The following SULT1C2 variants were observed in gnomAD, a reference collection of about 807,000 sequenced individuals.
SULT1C2 encodes the protein sulfotransferase 1C2.
SULT1C2 carries 27 observed loss-of-function variants against 36.0 expected under a neutral mutation model. The observed-to-expected ratio is 0.75, with a 90% CI of 0.55 to 1.03. SULT1C2 has a LOEUF of 1.03. SULT1C2 is among the 50% of genes least tolerant of loss of function. SULT1C2 has a pLI of 0.00. For synonymous variants in SULT1C2, 121 were observed against 116.0 expected, an observed-to-expected ratio of 1.04 and a Z score of -0.27; for missense variants, 395 against 359.2, an observed-to-expected ratio of 1.10 and a Z score of -0.80.
chr2:108,293,817 A>G lies in SULT1C2; in HGVS notation c.150A>G (p.Ala50=). The change falls in exon 2 of 8, where the codon GCA becomes GCG. Residue 50 remains alanine, a splice_region_variant and synonymous_variant. Coordinates refer to ENST00000251481, the MANE Select transcript of SULT1C2 (RefSeq NM_001056.4). ...DDLLICTYPK[A]GTTWIQEIVD... is the part of the protein sequence containing the mutation. ...TCCTCATCTGCACCTACCCTAAAGC[A>G]GGTGATTGCAGGGTAGGAGGGACAG... 6.2e-7 allele frequency: 1 copy of G among 1,613,556 alleles called. No individual in the cohort carries two copies.
Position 108,294,340 on chromosome 2 carries a change from C to T in SULT1C2, c.263C>T (p.Pro88Leu), listed in dbSNP as rs770254426. ...CATCCTTTCATTGAGTGGGCTCGGC[C>T]ACCCCAACCTTCTGGTGAGAGCACC... ...HRHPFIEWAR[P>L]PQPSGVEKAK... Residue 88 changes from proline to leucine, a missense_variant, in exon 3 of 8, where the codon CCA becomes CTA. Transcript: ENST00000251481. 2.9e-5 allele frequency: 46 copies of T among 1,613,448 alleles called. No individual in the cohort carries two copies. Among genetic ancestry groups the T allele is most frequent in the Non-Finnish European group, 3.6e-5 (42 of 1,179,728 alleles).
Position 108,309,852 on chromosome 2 carries a change from G to A in SULT1C2, c.*1388G>A, listed in dbSNP as rs537992607. 3.9e-5 allele frequency: 6 copies of A among 152,232 alleles called. No individual in the cohort carries two copies. The East Asian group carries it at 5.8e-4, about 15-fold the overall frequency. The allele number at this position is 152,232 out of a possible 1,614,324, so 9.4% of individuals were successfully genotyped here. On this transcript the variant is annotated 3_prime_UTR_variant, in exon 8 of 8. Transcript: ENST00000251481. Reference sequence around the variant, plus strand: ...GGTTACCACTGAGTTTTAACTATATGTATATGAGCTTCAAATAAGCACCTT... The same window carrying A: ...GGTTACCACTGAGTTTTAACTATATATATATGAGCTTCAAATAAGCACCTT...
chr2:108,292,669 G>T (rs556949408), intron 1 of SULT1C2, among the ~76,000 whole-genome samples: 1 of 152,242 alleles, frequency 6.6e-6, no homozygotes, highest in African/African-American at 2.4e-5. Context: ...CTTGTGCACT[G>T]CTTGTAAAAA....
chr2:108,304,660 T>C lies in SULT1C2; in HGVS notation c.462T>C (p.Gly154=). ...QRMNHMLPDP[G]TWEEYFETFI... Reference sequence around the variant, plus strand: ...TGAACCACATGCTTCCTGACCCTGGTACCTGGGAAGAGTATTTTGAAACCT... The same window carrying C: ...TGAACCACATGCTTCCTGACCCTGGCACCTGGGAAGAGTATTTTGAAACCT... Residue 154 remains glycine, a synonymous_variant, in exon 5 of 8, where the codon GGT becomes GGC. Coordinates refer to ENST00000251481, the MANE Select transcript of SULT1C2 (RefSeq NM_001056.4). 6.2e-7 allele frequency: 1 copy of C among 1,613,918 alleles called. No individual in the cohort carries two copies. Among genetic ancestry groups the C allele is most frequent in the Non-Finnish European group, 8.5e-7 (1 of 1,179,918 alleles).
chr2:108,291,949 TTG>T (rs1676604032), intron 1 of SULT1C2, among the ~76,000 whole-genome samples: 1 of 152,196 alleles, frequency 6.6e-6, no homozygotes, highest in Admixed American at 6.5e-5. Context: ...CATAAATAAT[TTG>T]TCTTTCGTTT....
chr2:108,308,605 A>T lies in SULT1C2; in HGVS notation c.*141A>T, dbSNP rs1677079612. The T allele has an allele frequency of 1.6e-6, 1 of 644,042 alleles. No homozygotes were observed. The allele number at this position is 644,042 out of a possible 1,614,324, so 39.9% of individuals were successfully genotyped here. A position where few individuals can be genotyped will look rare whatever the true frequency, so the allele number is the denominator to read the frequency against. On this transcript the variant is annotated 3_prime_UTR_variant, in exon 8 of 8. Coordinates refer to ENST00000251481, the MANE Select transcript of SULT1C2 (RefSeq NM_001056.4). The stretch of plus-strand genomic sequence containing the variant: ...ACAAACAATCTCTGTGATGATTAAC[A>T]GTATGTCACCACTTCATTTTTTAAA...
rs142173490 is a variant in SULT1C2 at position 108,294,236 on chromosome 2, G to A, written c.159G>A (p.Thr53=). Residue 53 remains threonine, a synonymous_variant, in exon 3 of 8, where the codon ACG becomes ACA. Coordinates refer to ENST00000251481, the MANE Select transcript of SULT1C2 (RefSeq NM_001056.4). ...TTCCTTTCTGAGCCTCAGGGACAAC[G>A]TGGATTCAGGAAATTGTGGATATGA... ...LICTYPKAGT[T]WIQEIVDMIE... 275 of 1,613,582 alleles carry A rather than the reference G, an allele frequency of 1.7e-4. No homozygotes were observed. Among genetic ancestry groups the A allele is most frequent in the Admixed American group, 2.2e-4 (13 of 59,938 alleles).
At position 108,293,724 on chromosome 2, in the gene SULT1C2, C is replaced by T. The variant is rs539460554; in HGVS notation, c.57C>T (p.Thr19=). Residue 19 remains threonine (T), a synonymous_variant, in exon 2 of 8, where the codon ACC becomes ACT. Transcript: ENST00000251481. ...KQIKLKEVEG[T]LLQPATVDNW... ...TAAAACTGAAAGAGGTGGAGGGGAC[C>T]CTCCTGCAGCCTGCAACTGTGGACA... The T allele has an allele frequency of 6.2e-7, 1 of 1,614,030 alleles. No homozygotes were observed. The highest frequency in any genetic ancestry group is 1.3e-5 in the African/African-American group (1 of 74,976).
In SULT1C2 at chr2:108,304,641, A is replaced by C. The variant is rs111636547; in HGVS notation, c.443A>C (p.His148Pro). ...TACTACCATTTCCAAAGGATGAACC[A>C]CATGCTTCCTGACCCTGGTACCTGG... Reference protein sequence around the residue: ...VSYYHFQRMNHMLPDPGTWEE... With the variant: ...VSYYHFQRMNPMLPDPGTWEE... Residue 148 changes from histidine (H) to proline (P), a missense_variant, in exon 5 of 8, where the codon CAC (histidine) becomes CCC (proline). His to Pro is a moderately conservative substitution (Grantham distance 77). Transcript: ENST00000251481. 4.3e-6 allele frequency: 7 copies of C among 1,614,010 alleles called. No individual in the cohort carries two copies. The highest frequency in any genetic ancestry group is 3.3e-5 in the Admixed American group (2 of 59,984).
At chr2:108,293,861 G>A (rs868776511) in intron 2 of SULT1C2, 43 bp downstream of exon 2, 4 of 1,593,044 alleles carry the variant, frequency 2.5e-6, no homozygotes, top group Middle Eastern at 1.9e-4. Flanking sequence ...TGCTGAGCCA[G>A]CACAGGCTCA....
chr2:108,294,149 T>C (rs1287863963), intron 2 of SULT1C2, 80 bp from the exon 3 acceptor site: 2 of 1,576,278 alleles, frequency 1.3e-6, no homozygotes, highest in Admixed American at 1.8e-5. Flanking sequence ...AGGCTCTACA[T>C]CCTCTTCGTT....
At position 108,293,657 on chromosome 2, in the gene SULT1C2, C is replaced by A; in HGVS notation, c.-11C>A. 6.2e-7 allele frequency: 1 copy of A among 1,605,420 alleles called. No individual in the cohort carries two copies. On this transcript the variant is annotated 5_prime_UTR_variant, in exon 2 of 8. Coordinates refer to ENST00000251481, the MANE Select transcript of SULT1C2 (RefSeq NM_001056.4). The stretch of plus-strand genomic sequence containing the variant: ...ATTCTTTTCCCATAGGGACCCCAAC[C>A]CTGAGACACTATGGCCCTGACCTCA...
At chr2:108,305,098 A>C (rs1676987229) in intron 5 of SULT1C2, 74 bp from the exon 6 acceptor site, 3 of 1,556,702 alleles carry the variant, frequency 1.9e-6, no homozygotes, top group Non-Finnish European at 8.8e-7. Flanking sequence ...AACTCACTTC[A>C]GGAAAATCCC....
chr2:108,291,802 T>C (rs1012755157), intron 1 of SULT1C2, among the ~76,000 whole-genome samples: 1 of 152,186 alleles, frequency 6.6e-6, no homozygotes, highest in African/African-American at 2.4e-5. Context: ...GGACCTAACA[T>C]AGAAGGCCTG....
intron 3 of SULT1C2, 94 bp downstream of exon 3, chr2:108,294,448 C>CCCCCATCTCTCCTTCCTCTTT: frequency 1.7e-6 from 1 of 592,544 alleles, no homozygotes; most frequent in South Asian, 2.5e-5. Context: ...CTTCTCTCCT[C>CCCCCATCTCTCCTTCCTCTTT]TCTCTCTCCC....
At chr2:108,301,795 G>A (rs990728190) in intron 4 of SULT1C2, 17 of 152,408 alleles carry the variant, frequency 1.1e-4, no homozygotes, top group African/African-American at 3.8e-4. Context: ...TGTAGAGCAG[G>A]TGGAGTCAAG....
rs1026303349 is a variant in SULT1C2 at position 108,298,068 on chromosome 2, A to G, written c.278-2770A>G. ...GCCGCGAGTACCAGGAAGGAAATCA[A>G]CCAGCCTGCAGATCTCACTTTCTGG... On this transcript the variant is annotated intron_variant, in intron 3 of 7. Transcript: ENST00000251481. Among the ~76,000 whole-genome samples the G allele has an allele frequency of 2.0e-5, 3 of 152,220 alleles. No homozygotes were observed. In the East Asian group the frequency reaches 5.8e-4, roughly 29 times the overall value.
rs368513196 is a variant in SULT1C2, at chr2:108,305,112, T to C, written c.503-60T>C. 11 of 1,591,050 alleles carry C rather than the reference T, an allele frequency of 6.9e-6. No individual in the cohort carries two copies. The Admixed American group carries it at 1.9e-4, about 27-fold the overall frequency. On this transcript the variant is annotated intron_variant, in intron 5 of 7. Transcript: ENST00000251481. ...TAACTCACTTCAGGAAAATCCCTAATACTCAGAAGGTTTTGTGTGATGCCT... is the reference window on the plus strand; with the variant it reads ...TAACTCACTTCAGGAAAATCCCTAACACTCAGAAGGTTTTGTGTGATGCCT...
chr2:108,307,389 C>T (rs1310764904), intron 7 of SULT1C2, among the ~76,000 whole-genome samples: 1 of 152,180 alleles, frequency 6.6e-6, no homozygotes, highest in Non-Finnish European at 1.5e-5. Context: ...TGAGAAACCC[C>T]TCTAGGGCAA....
Sources: allele counts gnomAD v4.1 joint callset (sites outside exome capture counted in the v4.1 genomes callset), GRCh38; gene constraint gnomAD v4.1.1; transcripts MANE v1.5; gene names NCBI Gene and HGNC (gene_info 2026-07-23, HGNC 2026-07-21).